The following MTO1 variants were observed in gnomAD, a reference collection of about 807,000 sequenced individuals.
MTO1 encodes the protein 5-taurinomethyluridine-[tRNA] synthase subunit MTO1, mitochondrial.
MTO1 carries 46 observed loss-of-function variants against 71.6 expected under a neutral mutation model. The ratio of observed to expected loss-of-function variants is 0.64; its 90% confidence interval spans 0.51 to 0.82. The LOEUF is 0.82. Ranked by LOEUF, MTO1 falls within the 40% of genes least tolerant of loss-of-function variation. The pLI, the probability that MTO1 is intolerant of heterozygous loss-of-function variation, is 0.00. For missense variants in MTO1, 773 were observed against 867.5 expected (o/e 0.89, Z 1.37); for synonymous variants, 297 against 312.1 (o/e 0.95, Z 0.51).
intron 10 of MTO1, among the ~76,000 whole-genome samples, chr6:73,494,723 G>A (rs59408050): frequency 0.039 from 5,805 of 149,038 alleles, 368 homozygotes; most frequent in African/African-American, 0.14. Flanking sequence ...TGATCCACCC[G>A]CCTCGGCCTC....
At chr6:73,470,629 T>C (rs760943571) in intron 3 of MTO1, among the ~76,000 whole-genome samples, 4 of 152,106 alleles carry the variant, frequency 2.6e-5, no homozygotes, top group South Asian at 4.1e-4. Flanking sequence ...ACAAAAAGCA[T>C]ATAGAGTGAA....
intron 4 of MTO1, among the ~76,000 whole-genome samples, chr6:73,475,384 G>A (rs1346504244): frequency 6.6e-6 from 1 of 152,084 alleles, no homozygotes; most frequent in Non-Finnish European, 1.5e-5. Context: ...CTGGGTTCAA[G>A]CAATTCTCCT....
At position 73,502,065 on chromosome 6, in the gene MTO1, A is replaced by C. The variant is rs1052629125; in HGVS notation, c.*1330A>C. On this transcript the variant is annotated 3_prime_UTR_variant, in exon 12 of 12. Transcript: ENST00000498286. ...TAATACTTGATTCAGTGATTTCAAA[A>C]GGTCGTAACTTTTAGTCATAGCTAC... 3.9e-5 allele frequency: 6 copies of C among 152,246 alleles called. No individual in the cohort carries two copies. Among genetic ancestry groups the C allele is most frequent in the Non-Finnish European group, 7.3e-5 (5 of 68,044 alleles). The allele number at this position is 152,246 out of a possible 1,614,324, so 9.4% of individuals were successfully genotyped here. A position where few individuals can be genotyped will look rare whatever the true frequency, so the allele number is the denominator to read the frequency against.
chr6:73,495,456 T>C (rs1334342240), intron 10 of MTO1, among the ~76,000 whole-genome samples: 1 of 152,150 alleles, frequency 6.6e-6, no homozygotes, highest in East Asian at 1.9e-4. Context: ...AAATTATCAT[T>C]AACTTGTTCA....
intron 9 of MTO1, among the ~76,000 whole-genome samples, chr6:73,485,090 T>C (rs1213563501): frequency 6.6e-6 from 1 of 152,084 alleles, no homozygotes; most frequent in East Asian, 1.9e-4. Context: ...ATGCTTTCTT[T>C]TATAACAAAT....
intron 4 of MTO1, among the ~76,000 whole-genome samples, chr6:73,477,103 G>A (rs1399185223): frequency 6.7e-6 from 1 of 149,166 alleles, no homozygotes; most frequent in East Asian, 2.1e-4. Context: ...TTTTTTTAAA[G>A]ACAGAAAAGA....
intron 10 of MTO1, among the ~76,000 whole-genome samples, chr6:73,494,500 G>A (rs1227604763): frequency 6.2e-5 from 9 of 146,118 alleles, no homozygotes; most frequent in African/African-American, 1.3e-4. Flanking sequence ...TTTTTGAGAC[G>A]GAGTCTCGCT....
At chr6:73,463,033 T>C (rs1285423991) in intron 1 of MTO1, among the ~76,000 whole-genome samples, 1 of 151,288 alleles carries the variant, frequency 6.6e-6, no homozygotes, top group African/African-American at 2.4e-5. Context: ...TTTTTTTTTT[T>C]TTTCTTTTGA....
In MTO1 at chr6:73,503,987, G is replaced by A. The variant is rs974629146; in HGVS notation, c.*3252G>A. ...CCCTGTCCAGAAGAAGTGGTCAGGA[G>A]TATCAGGAAAGCCACCAGCAGAGAC... On this transcript the variant is annotated 3_prime_UTR_variant, in exon 12 of 12. Coordinates refer to ENST00000498286, the MANE Select transcript of MTO1 (RefSeq NM_012123.4). 2.0e-5 allele frequency: 3 copies of A among 152,196 alleles called. No individual in the cohort carries two copies. The highest frequency in any genetic ancestry group is 2.9e-5 in the Non-Finnish European group (2 of 68,050). 9.4% of individuals were successfully genotyped at this position (152,196 alleles called of 1,614,324 possible).
At chr6:73,497,157 C>CTTTTTTTTTTTTT (rs765385743) in intron 10 of MTO1, among the ~76,000 whole-genome samples, 2,731 of 92,620 alleles carry the variant, frequency 0.029, 427 homozygotes, top group African/African-American at 0.051. Context: ...GAAGCAAATT[C>CTTTTTTTTTTTTT]TTTTTTTTTT....
chr6:73,475,520 T>C (rs1396082192), intron 4 of MTO1, among the ~76,000 whole-genome samples: 1 of 151,142 alleles, frequency 6.6e-6, no homozygotes, highest in Non-Finnish European at 1.5e-5. Context: ...CTCTTTTTTT[T>C]TTTTTTTCTT....
In MTO1 at chr6:73,482,549, G is replaced by C. The variant is rs369102363; in HGVS notation, c.1566G>C (p.Glu522Asp). ...EEGISVLKSI[E>D]FLSSKWKKLI... The stretch of plus-strand genomic sequence containing the variant: ...GCATTTCTGTGTTGAAATCTATTGA[G>C]TTTTTGAGCTCTAAATGGAAAAAAT... The change falls in exon 9 of 12, where the codon GAG becomes GAC. Residue 522 changes from glutamate (E) to aspartate (D), a missense_variant. Transcript: ENST00000498286. The C allele has an allele frequency of 1.2e-6, 2 of 1,612,200 alleles. No homozygotes were observed. Among genetic ancestry groups the C allele is most frequent in the African/African-American group, 1.3e-5 (1 of 74,830 alleles).
chr6:73,478,043 G>T lies in MTO1; in HGVS notation c.826-1689G>T, dbSNP rs773445023. On this transcript the variant is annotated intron_variant, in intron 4 of 11. Coordinates refer to ENST00000498286, the MANE Select transcript of MTO1 (RefSeq NM_012123.4). ...AGGCAGGTGGATCACAAGGTCAAAAGATTGAGACCATCCTGGCCAACATGG... is the reference window on the plus strand; with the variant it reads ...AGGCAGGTGGATCACAAGGTCAAAATATTGAGACCATCCTGGCCAACATGG... Among the ~76,000 whole-genome samples the T allele has an allele frequency of 5.7e-4, 86 of 151,858 alleles. No individual in the cohort carries two copies. In the Middle Eastern group the frequency reaches 0.02, roughly 36 times the overall value.
rs1274349883 is a variant in MTO1 at position 73,500,660 on chromosome 6, G to A, written c.2004G>A (p.Gln668=). Residue 668 remains glutamine (Q), a synonymous_variant, in exon 12 of 12, where the codon CAG becomes CAA. Transcript: ENST00000498286. The part of the protein sequence containing the change: ...LRFVKTTQRR[Q]SAMNESSKTD... Reference sequence around the variant, plus strand: ...TTGTGAAGACCACTCAACGAAGACAGTCGGCTATGAATGAATCATCCAAGA... The same window carrying A: ...TTGTGAAGACCACTCAACGAAGACAATCGGCTATGAATGAATCATCCAAGA... 7 of 1,613,854 alleles carry A rather than the reference G, an allele frequency of 4.3e-6. No homozygotes were observed. In the Admixed American group the frequency reaches 5.0e-5, roughly 12 times the overall value.
In MTO1 at chr6:73,466,295, C is replaced by A. The variant is rs201570582; in HGVS notation, c.304C>A (p.Arg102Ser). ...AGATGCCTTGGATGGCCTGTGTTCT[C>A]GCATCTGTGACCAGTCTGGTGTACA... ...EVDALDGLCS[R>S]ICDQSGVHYK... Residue 102 changes from arginine (R) to serine (S), a missense_variant, in exon 2 of 12, where the codon CGC (arginine) becomes AGC (serine). By Grantham distance (110) the Arg-to-Ser change is moderately radical. Transcript: ENST00000498286. The A allele has an allele frequency of 6.2e-7, 1 of 1,614,044 alleles. No homozygotes were observed. The highest frequency in any genetic ancestry group is 1.1e-5 in the South Asian group (1 of 91,080).
intron 9 of MTO1, among the ~76,000 whole-genome samples, chr6:73,486,003 G>C (rs1411066362): frequency 2.0e-5 from 3 of 152,146 alleles, no homozygotes; most frequent in Non-Finnish European, 1.5e-5. Context: ...GTGTTAGGTA[G>C]CTCAGAAATT....
chr6:73,474,785 C>T (rs1270632768), intron 4 of MTO1, among the ~76,000 whole-genome samples: 2 of 150,258 alleles, frequency 1.3e-5, no homozygotes, highest in Admixed American at 6.7e-5. Flanking sequence ...GACGGAGTTT[C>T]GCCATTGTTG....
chr6:73,476,597 A>T (rs1205755107), intron 4 of MTO1, among the ~76,000 whole-genome samples: 1 of 152,022 alleles, frequency 6.6e-6, no homozygotes, highest in East Asian at 1.9e-4. Context: ...ATTTATGTCC[A>T]TATTTACTGT....
At position 73,500,576 on chromosome 6, in the gene MTO1, C is replaced by T. The variant is rs201198672; in HGVS notation, c.1920C>T (p.Ile640=). The change falls in exon 12 of 12, where the codon ATC becomes ATT. Residue 640 remains isoleucine, a splice_region_variant and synonymous_variant. Transcript: ENST00000498286. ...TCTCTTGTGGTATTGATTTTTAGAT[C>T]GGGGCTGCTAGTCGCATACCCGGAG... ...EKLHFSRPQT[I]GAASRIPGVT... 3.3e-5 allele frequency: 53 copies of T among 1,609,084 alleles called. 1 individual carries two copies. The South Asian group carries it at 5.3e-4, about 16-fold the overall frequency.
Sources: gnomAD v4.1 joint callset for allele counts (sites outside exome capture counted in the v4.1 genomes callset) on GRCh38, gnomAD v4.1.1 for gene constraint, MANE v1.5 for transcripts, NCBI Gene and HGNC (gene_info 2026-07-23, HGNC 2026-07-21) for gene names.